Variants in NHLRC3 observed in about 807,000 individuals in gnomAD.
NHLRC3 encodes NHL repeat containing 3, also known as NHL repeat-containing protein 3.
NHLRC3 carries 23 observed loss-of-function variants against 32.0 expected under a neutral mutation model. The ratio of observed to expected loss-of-function variants is 0.72; its 90% CI spans 0.52 to 1.02. NHLRC3 has a LOEUF of 1.02. NHLRC3 is among the 50% of genes least tolerant of loss of function. The pLI, the probability that NHLRC3 is intolerant of heterozygous loss-of-function variation, is 0.00. For synonymous variants in NHLRC3, 159 were observed against 147.9 expected (o/e 1.08, Z -0.55); for missense variants, 407 against 406.8 (o/e 1.00, Z -0.01).
intron 3 of NHLRC3, chr13:39,040,973 T>G (rs1474906817): frequency 6.6e-6 from 1 of 152,228 alleles, no homozygotes; most frequent in Non-Finnish European, 1.5e-5. Context: ...ATTTTCACTT[T>G]TTTCCTGAAG....
rs1466884103 is a variant in NHLRC3, at chr13:39,048,072, T to C, written c.*146T>C. 1 of 677,338 alleles carries C rather than the reference T, an allele frequency of 1.5e-6. No individual in the cohort carries two copies. Among genetic ancestry groups the C allele is most frequent in the East Asian group, 2.8e-5 (1 of 36,326 alleles). The allele number at this position is 677,338 out of a possible 1,614,324, so 42.0% of individuals were successfully genotyped here. ...ATTTGTTTTTGTATCATTAAGAATC[T>C]TATATTTTGTTGCCCTCTTGGGACT... On this transcript the variant is annotated 3_prime_UTR_variant, in exon 7 of 7. Transcript: ENST00000379600.
At chr13:39,040,394 T>C (rs1871423073) in intron 3 of NHLRC3, 1 of 152,172 alleles carries the variant, frequency 6.6e-6, no homozygotes. Context: ...TTTTCTTTCA[T>C]AAAAGATTGT....
chr13:39,039,078 C>CGATT, intron 1 of NHLRC3, 58 bp from the exon 2 acceptor site: 1 of 1,038,074 alleles, frequency 9.6e-7, no homozygotes, highest in Non-Finnish European at 1.4e-6. Flanking sequence ...CCCCCCCGCC[C>CGATT]TTTTTTTGTT....
At chr13:39,045,572 T>C (rs1010655332) in intron 5 of NHLRC3, among the ~76,000 whole-genome samples, 2 of 152,254 alleles carry the variant, frequency 1.3e-5, no homozygotes, top group Admixed American at 1.3e-4. Flanking sequence ...CTTGTTGTTA[T>C]GTGTTAAACA....
At chr13:39,042,358 GT>G in intron 4 of NHLRC3, 53 bp downstream of exon 4, 1 of 1,117,934 alleles carries the variant, frequency 8.9e-7, no homozygotes, top group Non-Finnish European at 1.3e-6. Context: ...ATTTTAATTT[GT>G]TCGATATTTG....
chr13:39,045,669 A>G (rs1455635208), intron 5 of NHLRC3, among the ~76,000 whole-genome samples: 1 of 152,192 alleles, frequency 6.6e-6, no homozygotes, highest in Non-Finnish European at 1.5e-5. Flanking sequence ...TAGGGTGTAA[A>G]CTATACTTCT....
chr13:39,038,868 A>G, intron 1 of NHLRC3, 145 bp downstream of exon 1: 2 of 740,506 alleles, frequency 2.7e-6, no homozygotes, highest in South Asian at 3.2e-5. Context: ...AACTGCCTTG[A>G]CCCTTTGAGT....
chr13:39,047,843 G>GCAGT lies in NHLRC3; in HGVS notation c.963_966dup (p.Tyr323SerfsTer19). On this transcript the variant is annotated frameshift_variant, in exon 7 of 7. Transcript: ENST00000379600. LOFTEE classifies it low-confidence loss of function (END_TRUNC). ...CCTAGAAGTCGACAGAAAGACTGGA[G>GCAGT]CAGTCTATGTAGCAGAAATTGGAGC... 6.2e-7 allele frequency: 1 copy of GCAGT among 1,613,688 alleles called. No homozygotes were observed. Among genetic ancestry groups the GCAGT allele is most frequent in the Non-Finnish European group, 8.5e-7 (1 of 1,179,614 alleles).
chr13:39,039,871 G>A (rs1871387997), intron 3 of NHLRC3, 160 bp downstream of exon 3: 1 of 576,738 alleles, frequency 1.7e-6, no homozygotes, highest in Non-Finnish European at 2.9e-6. Context: ...TTGTACTTCT[G>A]TGGAATTAAG....
chr13:39,043,982 T>C, intron 4 of NHLRC3, 108 bp from the exon 5 acceptor site: 1 of 784,424 alleles, frequency 1.3e-6, no homozygotes, highest in Non-Finnish European at 2.2e-6. Flanking sequence ...CATAGTCAAG[T>C]GAACCAGCGG....
rs1014444815 is a variant in NHLRC3 at position 39,048,128 on chromosome 13, T to C, written c.*202T>C. The stretch of plus-strand genomic sequence containing the variant: ...TTATTTGTAAGTGCATAAGGATATT[T>C]TAATGAAAGGAAAGTAACTAAAAAA... On this transcript the variant is annotated 3_prime_UTR_variant, in exon 7 of 7. Coordinates refer to ENST00000379600, the MANE Select transcript of NHLRC3 (RefSeq NM_001012754.4). 2.1e-6 allele frequency: 1 copy of C among 468,220 alleles called. No individual in the cohort carries two copies. The highest frequency in any genetic ancestry group is 1.9e-5 in the African/African-American group (1 of 51,460). The allele number at this position is 468,220 out of a possible 1,614,324, so 29.0% of individuals were successfully genotyped here. A position where few individuals can be genotyped will look rare whatever the true frequency, so the allele number is the denominator to read the frequency against.
intron 3 of NHLRC3, 80 bp downstream of exon 3, chr13:39,039,791 CAG>C: frequency 9.8e-7 from 1 of 1,016,896 alleles, no homozygotes; most frequent in Non-Finnish European, 1.4e-6. Context: ...TGTTTAAAAT[CAG>C]AGTTGCTGAA....
At chr13:39,039,360 C>A in intron 2 of NHLRC3, 72 bp downstream of exon 2, 1 of 1,286,484 alleles carries the variant, frequency 7.8e-7, no homozygotes, top group South Asian at 1.2e-5. Flanking sequence ...GCTGTAGTAA[C>A]TGACCATATG....
At position 39,038,564 on chromosome 13, in the gene NHLRC3, A is replaced by G; in HGVS notation, c.-76A>G. On this transcript the variant is annotated 5_prime_UTR_variant, in exon 1 of 7. Transcript: ENST00000379600. ...GGGCAGACCCTCTGTGCCGCTGCAAACCGTTGCAGCCTGAGGCTGTCAGGT... is the reference window on the plus strand; with the variant it reads ...GGGCAGACCCTCTGTGCCGCTGCAAGCCGTTGCAGCCTGAGGCTGTCAGGT... 7.8e-7 allele frequency: 1 copy of G among 1,280,248 alleles called. No homozygotes were observed. Among genetic ancestry groups the G allele is most frequent in the Non-Finnish European group, 1.1e-6 (1 of 875,890 alleles). The allele number at this position is 1,280,248 out of a possible 1,614,324, so 79.3% of individuals were successfully genotyped here.
intron 3 of NHLRC3, chr13:39,039,947 G>C (rs1871392695): frequency 4.1e-6 from 1 of 244,118 alleles, no homozygotes. Flanking sequence ...AGGCCGAGGC[G>C]GGCGGATCAC....
intron 5 of NHLRC3, among the ~76,000 whole-genome samples, chr13:39,045,993 C>G (rs1435152456): frequency 6.6e-6 from 1 of 152,136 alleles, no homozygotes; most frequent in Non-Finnish European, 1.5e-5. Flanking sequence ...CACTCCCAGT[C>G]CATTCTTTCA....
intron 3 of NHLRC3, chr13:39,041,821 T>C (rs1183910626): frequency 6.2e-6 from 2 of 321,784 alleles, no homozygotes; most frequent in Admixed American, 9.2e-5. Context: ...ACCAATACTT[T>C]GTTAGCATTC....
Position 39,039,889 on chromosome 13 carries a change from A to T in NHLRC3, c.385+178A>T, listed in dbSNP as rs1191709217. 23 of 521,616 alleles carry T rather than the reference A, an allele frequency of 4.4e-5. No homozygotes were observed. The East Asian group carries it at 7.5e-4, about 17-fold the overall frequency. 32.3% of individuals were successfully genotyped at this position (521,616 alleles called of 1,614,324 possible). ...TACTTCTGTGGAATTAAGAAATTTA[A>T]CAAGGGCTGGACGCCGTGGCTCACG... is the stretch of plus-strand genomic sequence containing the variant. On this transcript the variant is annotated intron_variant, in intron 3 of 6. Coordinates refer to ENST00000379600, the MANE Select transcript of NHLRC3 (RefSeq NM_001012754.4).
chr13:39,044,003 T>G lies in NHLRC3; in HGVS notation c.587-87T>G, dbSNP rs527364360. 1.7e-4 allele frequency: 157 copies of G among 922,798 alleles called. 1 individual carries two copies. In the South Asian group the frequency reaches 2.1e-3, roughly 12 times the overall value. 57.2% of individuals were successfully genotyped at this position (922,798 alleles called of 1,614,324 possible). ...CAAGTGAACCAGCGGTGTAATTAAA[T>G]AGTTCTTTGTAACCTGTTTCATAAA... On this transcript the variant is annotated intron_variant, in intron 4 of 6. Transcript: ENST00000379600.
Sources: allele counts gnomAD v4.1 joint callset (sites outside exome capture counted in the v4.1 genomes callset), GRCh38; gene constraint gnomAD v4.1.1; transcripts MANE v1.5; gene names NCBI Gene and HGNC (gene_info 2026-07-23, HGNC 2026-07-21).